Variants in WASF3 observed in about 807,000 individuals in gnomAD.
WASF3 encodes the protein WASP family member 3.
In WASF3, 11 loss-of-function variants were observed where a neutral mutation model predicts 46.6. The ratio of observed to expected loss-of-function variants is 0.24; its 90% confidence interval spans 0.15 to 0.39. WASF3 has a LOEUF of 0.39. Ranked by LOEUF, WASF3 falls within the 10% of genes least tolerant of loss-of-function variation. WASF3 has a pLI of 1.00. For synonymous variants in WASF3, 242 were observed against 259.7 expected, an observed-to-expected ratio of 0.93 and a Z score of 0.65; for missense variants, 576 against 669.8, an observed-to-expected ratio of 0.86 and a Z score of 1.55.
chr13:26,558,164 C>T lies in WASF3; in HGVS notation c.-109+345C>T, dbSNP rs557201811. On this transcript the variant is annotated intron_variant, in intron 1 of 9. Transcript: ENST00000335327. ...TCGGGACAGCCACCCGCCCTCCCCG[C>T]CGTAAGTGGCGCCCGGGCCTCCGCT... Among the ~76,000 whole-genome samples, 4 of 152,088 alleles carry T rather than the reference C, an allele frequency of 2.6e-5. No individual in the cohort carries two copies. The East Asian group carries it at 7.8e-4, about 30-fold the overall frequency.
chr13:26,667,437 TTG>T (rs1882805287), intron 4 of WASF3, 78 bp from the exon 5 acceptor site: 1 of 1,308,100 alleles, frequency 7.6e-7, no homozygotes, highest in South Asian at 1.6e-5. Flanking sequence ...GTGTTTTTAA[TTG>T]TGAGTCAAAT....
At chr13:26,556,166 G>C (rs1471683101), upstream of WASF3, among the ~76,000 whole-genome samples, 1 of 152,198 alleles carries the variant, frequency 6.6e-6, no homozygotes, top group African/African-American at 2.4e-5. Flanking sequence ...GGGATGATGT[G>C]TTTAAGGGCT....
At chr13:26,603,997 G>C (rs541101214) in intron 1 of WASF3, among the ~76,000 whole-genome samples, 1 of 152,298 alleles carries the variant, frequency 6.6e-6, no homozygotes, top group African/African-American at 2.4e-5. Context: ...AGGAGGGTGG[G>C]GTGATCTAGC....
intron 1 of WASF3, among the ~76,000 whole-genome samples, chr13:26,570,205 T>C (rs1380200677): frequency 6.6e-6 from 1 of 152,144 alleles, no homozygotes; most frequent in African/African-American, 2.4e-5. Context: ...GGAGAATCGC[T>C]TGAACCTGGG....
chr13:26,574,185 A>G (rs1010654057), intron 1 of WASF3, among the ~76,000 whole-genome samples: 6 of 152,198 alleles, frequency 3.9e-5, no homozygotes, highest in African/African-American at 1.2e-4. Context: ...TCAAGAAGCT[A>G]TATTCTCTGT....
At chr13:26,640,072 G>A (rs1881949972) in intron 2 of WASF3, among the ~76,000 whole-genome samples, 1 of 151,988 alleles carries the variant, frequency 6.6e-6, no homozygotes, top group Non-Finnish European at 1.5e-5. Flanking sequence ...TGGATTGGTT[G>A]GTTTGCATTT....
intron 4 of WASF3, among the ~76,000 whole-genome samples, chr13:26,665,385 A>G (rs1476655494): frequency 1.3e-5 from 2 of 152,234 alleles, no homozygotes; most frequent in Non-Finnish European, 2.9e-5. Context: ...TTTTTAAAAA[A>G]TTACAAATAT....
chr13:26,615,246 A>G (rs544542591), intron 2 of WASF3, among the ~76,000 whole-genome samples: 2 of 152,012 alleles, frequency 1.3e-5, no homozygotes, highest in East Asian at 3.9e-4. Flanking sequence ...ATGTTCAGTG[A>G]TCTCCTACTT....
chr13:26,604,421 G>C (rs984222545), intron 1 of WASF3, among the ~76,000 whole-genome samples: 4 of 152,148 alleles, frequency 2.6e-5, no homozygotes, highest in Non-Finnish European at 5.9e-5. Flanking sequence ...ATGATTAGGG[G>C]GAAAGAGTCA....
At chr13:26,562,802 A>G (rs1013996340) in intron 1 of WASF3, among the ~76,000 whole-genome samples, 1 of 141,788 alleles carries the variant, frequency 7.1e-6, no homozygotes, top group African/African-American at 2.7e-5. Context: ...AGAGAATGAC[A>G]TTAACTGGAG....
chr13:26,647,581 G>T (rs1296228066), intron 3 of WASF3, among the ~76,000 whole-genome samples: 3 of 151,950 alleles, frequency 2.0e-5, no homozygotes, highest in Admixed American at 2.0e-4. Flanking sequence ...AATATAATTT[G>T]CTTAAAAAGG....
chr13:26,676,042 T>C (rs1395071865), intron 6 of WASF3, among the ~76,000 whole-genome samples: 2 of 152,240 alleles, frequency 1.3e-5, no homozygotes, highest in Admixed American at 1.3e-4. Flanking sequence ...TAAGTTTTTA[T>C]CTTGCTTAAT....
chr13:26,602,669 G>A (rs1244339649), intron 1 of WASF3, among the ~76,000 whole-genome samples: 1 of 152,134 alleles, frequency 6.6e-6, no homozygotes, highest in Non-Finnish European at 1.5e-5. Flanking sequence ...AAGAAAAACT[G>A]AAGTTATTTG....
intron 2 of WASF3, among the ~76,000 whole-genome samples, chr13:26,625,471 C>T (rs1439507010): frequency 6.6e-6 from 1 of 152,090 alleles, no homozygotes; most frequent in Non-Finnish European, 1.5e-5. Flanking sequence ...GCTTTGGAGT[C>T]TGAAAGCCTG....
At position 26,564,531 on chromosome 13, in the gene WASF3, C is replaced by T. The variant is rs539125825; in HGVS notation, c.-109+6712C>T. On this transcript the variant is annotated intron_variant, in intron 1 of 9. Transcript: ENST00000335327. ...TGCTGAAGATTTTATTAGCTTGCTG[C>T]GGCAGTTCCATTTTAGTTCCTCTCA... is the stretch of plus-strand genomic sequence containing the variant. Among the ~76,000 whole-genome samples the T allele has an allele frequency of 3.9e-5, 6 of 152,230 alleles. No homozygotes were observed. The South Asian group carries it at 8.3e-4, about 21-fold the overall frequency.
chr13:26,553,548 T>A (rs1879013683), upstream of WASF3, among the ~76,000 whole-genome samples: 1 of 152,098 alleles, frequency 6.6e-6, no homozygotes, highest in Non-Finnish European at 1.5e-5. Flanking sequence ...CCGGGCACGG[T>A]GGCTCACGCC....
At chr13:26,681,004 A>G in intron 7 of WASF3, 50 bp from the exon 8 acceptor site, 1 of 1,562,888 alleles carries the variant, frequency 6.4e-7, no homozygotes, top group East Asian at 2.3e-5. Flanking sequence ...GTTAGCCGAC[A>G]ATTTTTAAAT....
At chr13:26,673,699 G>T (rs1002138445) in intron 6 of WASF3, among the ~76,000 whole-genome samples, 4 of 152,148 alleles carry the variant, frequency 2.6e-5, no homozygotes, top group Non-Finnish European at 5.9e-5. Context: ...CCATGTTTTT[G>T]AACTTTTGTC....
chr13:26,564,243 C>T (rs564395231), intron 1 of WASF3, among the ~76,000 whole-genome samples: 1 of 152,286 alleles, frequency 6.6e-6, no homozygotes, highest in African/African-American at 2.4e-5. Context: ...TCACAAACTC[C>T]TTGTTGGCAG....
Sources: gnomAD v4.1 joint callset for allele counts (sites outside exome capture counted in the v4.1 genomes callset) on GRCh38, gnomAD v4.1.1 for gene constraint, MANE v1.5 for transcripts, NCBI Gene and HGNC (gene_info 2026-07-23, HGNC 2026-07-21) for gene names.